LINGO2: variants seen among roughly 807,000 people sequenced by gnomAD.
LINGO2 encodes leucine-rich repeat and immunoglobulin-like domain-containing nogo receptor-interacting protein 2.
A neutral mutation model predicts 30.6 loss-of-function variants in LINGO2; 14 were observed. The observed-to-expected ratio is 0.46, with a 90% CI of 0.30 to 0.72. The LOEUF (loss-of-function observed/expected upper bound fraction) is 0.72. Ranked by LOEUF, LINGO2 falls within the 30% of genes least tolerant of loss-of-function variation. LINGO2 has a pLI of 0.07. For synonymous variants in LINGO2, 317 were observed against 288.5 expected, an observed-to-expected ratio of 1.10 and a Z score of -1.00; for missense variants, 729 against 751.7, an observed-to-expected ratio of 0.97 and a Z score of 0.35.
At chr9:29,035,322 C>T in the LINGO2 span, among the ~76,000 whole-genome samples, 3 of 151,904 alleles carry the variant, frequency 2.0e-5, no homozygotes, top group Non-Finnish European at 4.4e-5. Flanking sequence ...GAACAGGTAG[C>T]CATAACTCAG....
At chr9:28,310,903 T>C (rs1824589611) in intron 3 of LINGO2, among the ~76,000 whole-genome samples, 1 of 152,188 alleles carries the variant, frequency 6.6e-6, no homozygotes, top group South Asian at 2.1e-4. Flanking sequence ...ATCATTCTTT[T>C]AAGAAGAAAT....
chr9:28,690,697 C>T, the LINGO2 span, among the ~76,000 whole-genome samples: 1 of 152,136 alleles, frequency 6.6e-6, no homozygotes, highest in Non-Finnish European at 1.5e-5. Context: ...CTATAGTCTT[C>T]TATTCCCACT....
In LINGO2 at chr9:28,329,990, G is replaced by T. The variant is rs1348270557; in HGVS notation, c.-245-34624C>A. ...CTATTTACTGAATTCTGCGCCCCTA[G>T]TGTTCATCTATTGAAGCCATAACCC... On this transcript the variant is annotated intron_variant, in intron 3 of 5. Coordinates refer to ENST00000379992, the Ensembl canonical transcript of LINGO2. The surrounding 1 kb of genome is among the most constrained non-coding windows in gnomAD (Gnocchi z 4.5). Among the ~76,000 whole-genome samples, 1 of 151,912 alleles carries T rather than the reference G, an allele frequency of 6.6e-6. No homozygotes were observed. Among genetic ancestry groups the T allele is most frequent in the Non-Finnish European group, 1.5e-5 (1 of 67,978 alleles).
intron 1 of LINGO2, among the ~76,000 whole-genome samples, chr9:28,653,479 G>C (rs1355363703): frequency 6.6e-6 from 1 of 152,068 alleles, no homozygotes; most frequent in African/African-American, 2.4e-5. Flanking sequence ...AGAGGGATAG[G>C]AAAATTAAAT....
intron 1 of LINGO2, among the ~76,000 whole-genome samples, chr9:28,534,280 C>G (rs1821343796): frequency 1.3e-5 from 2 of 152,134 alleles, no homozygotes; most frequent in African/African-American, 4.8e-5. Context: ...CCTCAGCATC[C>G]TGAATTGCTG....
chr9:28,697,993 C>T, the LINGO2 span, among the ~76,000 whole-genome samples: 1 of 152,020 alleles, frequency 6.6e-6, no homozygotes. Context: ...TTCATTGAAT[C>T]ACTTCCAAAT....
chr9:28,483,392 G>T (rs951375664), intron 1 of LINGO2, among the ~76,000 whole-genome samples: 1 of 152,028 alleles, frequency 6.6e-6, no homozygotes, highest in Non-Finnish European at 1.5e-5. Flanking sequence ...GCAAGATATT[G>T]GTGTGACAGC....
At chr9:28,669,981 T>G (rs1828951103) in intron 1 of LINGO2, among the ~76,000 whole-genome samples, 4 of 151,930 alleles carry the variant, frequency 2.6e-5, no homozygotes. Context: ...AGAGAAAAAT[T>G]TATAAACCCA....
At chr9:28,869,788 C>T in the LINGO2 span, among the ~76,000 whole-genome samples, 2 of 151,966 alleles carry the variant, frequency 1.3e-5, no homozygotes, top group African/African-American at 4.8e-5. Context: ...AACACTGCAA[C>T]TCCCACTGTT....
At chr9:29,189,434 C>T in the LINGO2 span, among the ~76,000 whole-genome samples, 1,087 of 150,550 alleles carry the variant, frequency 7.2e-3, 11 homozygotes, top group Non-Finnish European at 0.01. Context: ...CGGGCAGAGA[C>T]GCTCCTCACC....
chr9:28,576,205 T>A (rs1474606206), intron 1 of LINGO2, among the ~76,000 whole-genome samples: 1 of 152,212 alleles, frequency 6.6e-6, no homozygotes, highest in African/African-American at 2.4e-5. Context: ...TATTCACCCT[T>A]GTGATTGCAT....
At chr9:28,133,863 A>G (rs776114781) in intron 4 of LINGO2, among the ~76,000 whole-genome samples, 1 of 152,196 alleles carries the variant, frequency 6.6e-6, no homozygotes, top group Admixed American at 6.5e-5. Context: ...AATGCCATCC[A>G]TCATTTACTA....
chr9:28,997,539 G>T, the LINGO2 span, among the ~76,000 whole-genome samples: 43 of 152,184 alleles, frequency 2.8e-4, no homozygotes, highest in Non-Finnish European at 4.6e-4. Context: ...AATAAAAATA[G>T]TTGGCCGGGT....
chr9:28,454,810 A>T (rs1481463616), intron 2 of LINGO2, among the ~76,000 whole-genome samples: 2 of 152,046 alleles, frequency 1.3e-5, no homozygotes, highest in African/African-American at 4.8e-5. Flanking sequence ...ATAAAGGATG[A>T]CAAACATTTC....
intron 1 of LINGO2, among the ~76,000 whole-genome samples, chr9:28,562,951 A>G (rs1159605456): frequency 6.6e-6 from 1 of 151,998 alleles, no homozygotes; most frequent in Admixed American, 6.6e-5. Context: ...GGTTCAAGCG[A>G]TTATCCTGCC....
intron 2 of LINGO2, among the ~76,000 whole-genome samples, chr9:28,475,044 C>T (rs1825675959): frequency 6.6e-6 from 1 of 151,966 alleles, no homozygotes; most frequent in Non-Finnish European, 1.5e-5. Context: ...ACTCTTAACC[C>T]ACAGAGAGTC....
At chr9:28,899,060 AC>A in the LINGO2 span, among the ~76,000 whole-genome samples, 1 of 67,600 alleles carries the variant, frequency 1.5e-5, no homozygotes, top group African/African-American at 4.7e-5. Flanking sequence ...CTATTGTTTC[AC>A]AAAAATACCT....
intron 4 of LINGO2, among the ~76,000 whole-genome samples, chr9:28,199,563 C>T (rs1204098761): frequency 2.0e-5 from 3 of 152,080 alleles, no homozygotes; most frequent in East Asian, 1.9e-4. Flanking sequence ...TGGCCTCGAT[C>T]TCCTGATCTT....
chr9:28,908,527 G>A, the LINGO2 span, among the ~76,000 whole-genome samples: 1 of 151,704 alleles, frequency 6.6e-6, no homozygotes, highest in African/African-American at 2.4e-5. Context: ...TGTGTTCAAA[G>A]GAGTAAAAAT....
Sources: allele counts gnomAD v4.1 joint callset (sites outside exome capture counted in the v4.1 genomes callset), GRCh38; gene constraint gnomAD v4.1.1; non-coding constraint Gnocchi (gnomAD v3.1); transcripts MANE v1.5; gene names NCBI Gene and HGNC (gene_info 2026-07-23, HGNC 2026-07-21).